DOCK4: variants seen among roughly 807,000 people sequenced by gnomAD.
DOCK4 encodes the protein dedicator of cytokinesis protein 4.
A neutral mutation model predicts 268.1 loss-of-function variants in DOCK4; 97 were observed. The observed-to-expected ratio is 0.36, with a 90% CI of 0.31 to 0.43. The LOEUF (loss-of-function observed/expected upper bound fraction) is 0.43, where lower values mean the gene tolerates loss of function less well. Ranked by LOEUF, DOCK4 falls within the 20% of genes least tolerant of loss-of-function variation. DOCK4 has a pLI of 1.00. For synonymous variants in DOCK4, 954 were observed against 887.2 expected, an observed-to-expected ratio of 1.08 and a Z score of -1.34; for missense variants, 2,145 against 2,455.7, an observed-to-expected ratio of 0.87 and a Z score of 2.67.
At chr7:111,886,969 G>T (rs1303362570) in intron 16 of DOCK4, among the ~76,000 whole-genome samples, 2 of 152,080 alleles carry the variant, frequency 1.3e-5, no homozygotes, top group Non-Finnish European at 2.9e-5. Context: ...GCATATTGAG[G>T]CAACTATACA....
intron 32 of DOCK4, among the ~76,000 whole-genome samples, chr7:111,785,386 C>T (rs1156706552): frequency 6.6e-6 from 1 of 152,144 alleles, no homozygotes; most frequent in African/African-American, 2.4e-5. Context: ...ACAGCCTACA[C>T]CTCATACTTT....
intron 25 of DOCK4, among the ~76,000 whole-genome samples, chr7:111,844,086 C>G (rs539489856): frequency 1.3e-5 from 2 of 152,244 alleles, no homozygotes; most frequent in African/African-American, 2.4e-5. Flanking sequence ...ATCAGCCTGA[C>G]CAACATGGTG....
At chr7:111,971,460 C>A (rs912292072) in intron 8 of DOCK4, 1 of 228,364 alleles carries the variant, frequency 4.4e-6, no homozygotes, top group Non-Finnish European at 8.7e-6. Context: ...GTCTTGCCTT[C>A]CCCTTGATAA....
Position 111,728,326 on chromosome 7 carries a change from G to C in DOCK4, c.5876C>G (p.Thr1959Ser). Residue 1959 changes from threonine to serine, a missense_variant, in exon 53 of 53, where the codon ACT becomes AGT. Transcript: ENST00000428084. ...SSHLENGARR[T>S]DPGPRPRPLP... is the part of the protein sequence containing the mutation. ...GGGCCTGGGCCGCGGGCCGGGGTCA[G>C]TCCTCCGGGCCCCATTCTCCAGGTG... 1.3e-6 allele frequency: 2 copies of C among 1,515,562 alleles called. No homozygotes were observed. The highest frequency in any genetic ancestry group is 1.3e-5 in the South Asian group (1 of 75,042). The allele number at this position is 1,515,562 out of a possible 1,614,324, so 93.9% of individuals were successfully genotyped here.
chr7:112,146,660 G>A (rs564674874), intron 1 of DOCK4, among the ~76,000 whole-genome samples: 3 of 152,274 alleles, frequency 2.0e-5, no homozygotes, highest in Non-Finnish European at 2.9e-5. Flanking sequence ...TGAGTCTGGG[G>A]AGGTTAAGGA....
intron 22 of DOCK4, 107 bp from the exon 23 acceptor site, chr7:111,863,671 G>A (rs1250361647): frequency 1.7e-6 from 2 of 1,155,042 alleles, no homozygotes; most frequent in African/African-American, 1.6e-5. Flanking sequence ...TGAATGGTAG[G>A]AATAGAAGTA....
intron 1 of DOCK4, among the ~76,000 whole-genome samples, chr7:112,082,371 T>C (rs199660333): frequency 1.3e-5 from 2 of 152,122 alleles, no homozygotes; most frequent in Non-Finnish European, 2.9e-5. Flanking sequence ...AGGTAGGAAG[T>C]TGGTAATTTC....
At chr7:111,798,007 C>A (rs1800018505) in intron 30 of DOCK4, among the ~76,000 whole-genome samples, 1 of 152,120 alleles carries the variant, frequency 6.6e-6, no homozygotes, top group Admixed American at 6.5e-5. Context: ...GAAGGAGGCC[C>A]AAAGGAAAAA....
intron 1 of DOCK4, among the ~76,000 whole-genome samples, chr7:112,153,582 G>A (rs568769708): frequency 2.1e-4 from 32 of 152,214 alleles, no homozygotes; most frequent in Admixed American, 1.0e-3. Context: ...GTAAAATTTA[G>A]CTCTAAGTCA....
chr7:111,736,303 C>T (rs1331541291), intron 50 of DOCK4, among the ~76,000 whole-genome samples: 1 of 152,052 alleles, frequency 6.6e-6, no homozygotes, highest in African/African-American at 2.4e-5. Flanking sequence ...TGCTGCAAGC[C>T]CCGACCCCGT....
At chr7:112,113,677 A>C (rs1811861987) in intron 1 of DOCK4, among the ~76,000 whole-genome samples, 1 of 147,510 alleles carries the variant, frequency 6.8e-6, no homozygotes. Context: ...GGCCTCAAAC[A>C]ATCCTCATCC....
At chr7:111,928,266 T>C (rs894584610) in intron 12 of DOCK4, among the ~76,000 whole-genome samples, 7 of 152,226 alleles carry the variant, frequency 4.6e-5, no homozygotes, top group Admixed American at 1.3e-4. Flanking sequence ...AATATCTGAT[T>C]ATTTTAATTT....
At chr7:111,731,596 A>G (rs1165277161) in intron 52 of DOCK4, among the ~76,000 whole-genome samples, 1 of 152,226 alleles carries the variant, frequency 6.6e-6, no homozygotes, top group Non-Finnish European at 1.5e-5. Context: ...ATGTTTAAAG[A>G]TGTTAAATAG....
intron 1 of DOCK4, among the ~76,000 whole-genome samples, chr7:112,150,615 T>A (rs1694680687): frequency 6.6e-6 from 1 of 152,130 alleles, no homozygotes; most frequent in Non-Finnish European, 1.5e-5. Context: ...TCACAGATCT[T>A]CCCCGAGGTG....
At chr7:112,124,572 T>C (rs1002962390) in intron 1 of DOCK4, among the ~76,000 whole-genome samples, 4 of 152,152 alleles carry the variant, frequency 2.6e-5, no homozygotes, top group African/African-American at 9.7e-5. Flanking sequence ...GAAGCAGAAG[T>C]GTAATAAGTG....
chr7:111,763,935 C>CCTAT (rs1172395650), intron 39 of DOCK4, among the ~76,000 whole-genome samples: 1 of 152,186 alleles, frequency 6.6e-6, no homozygotes, highest in African/African-American at 2.4e-5. Flanking sequence ...AAGTGATACT[C>CCTAT]CTATCTCAGC....
In DOCK4 at chr7:111,832,535, A is replaced by AT. The variant is rs529125730; in HGVS notation, c.2835+2052dup. ...ATTCTCCTAGTCAGAAGGCCTTGCT[A>AT]TTTTTTTTTTCAGACGGAGTCTCAC... On this transcript the variant is annotated intron_variant, in intron 26 of 52. Coordinates refer to ENST00000428084, the MANE Select transcript of DOCK4 (RefSeq NM_001363540.2). Among the ~76,000 whole-genome samples, 664 of 149,308 alleles carry AT rather than the reference A, an allele frequency of 4.4e-3. 8 individuals carry two copies. The highest frequency in any genetic ancestry group is 5.8e-3 in the Non-Finnish European group (389 of 67,152).
chr7:112,168,374 A>C (rs759709886), intron 1 of DOCK4, among the ~76,000 whole-genome samples: 3 of 152,096 alleles, frequency 2.0e-5, no homozygotes, highest in Non-Finnish European at 4.4e-5. Context: ...TCTCAAAGTC[A>C]CTCCTTTTGG....
intron 30 of DOCK4, among the ~76,000 whole-genome samples, chr7:111,792,063 C>A (rs1474946401): frequency 6.6e-6 from 1 of 152,198 alleles, no homozygotes; most frequent in African/African-American, 2.4e-5. Flanking sequence ...ATGGTATGGA[C>A]ACAGATGATT....
Sources: allele counts gnomAD v4.1 joint callset (sites outside exome capture counted in the v4.1 genomes callset), GRCh38; gene constraint gnomAD v4.1.1; transcripts MANE v1.5; gene names NCBI Gene and HGNC (gene_info 2026-07-23, HGNC 2026-07-21).